CDH10: variants seen among roughly 807,000 people sequenced by gnomAD.
The protein encoded by CDH10 is cadherin 10.
Under a neutral mutation model 73.1 loss-of-function variants are expected in CDH10, and 30 were observed. The ratio of observed to expected loss-of-function variants is 0.41; its 90% CI spans 0.31 to 0.56. The LOEUF is 0.56. Ranked by LOEUF, CDH10 falls within the 20% of genes least tolerant of loss-of-function variation. The probability of loss-of-function intolerance (pLI) is 0.27; values close to 1 mark genes in which losing one functional copy is unlikely to be tolerated. For missense variants in CDH10, 815 were observed against 973.7 expected, an observed-to-expected ratio of 0.84 and a Z score of 2.17; for synonymous variants, 345 against 348.2, an observed-to-expected ratio of 0.99 and a Z score of 0.10.
chr5:24,620,557 T>C (rs529924534), intron 1 of CDH10, among the ~76,000 whole-genome samples: 2 of 152,214 alleles, frequency 1.3e-5, no homozygotes, highest in South Asian at 2.1e-4. Context: ...AAGCTCTGTG[T>C]CTGATTTAAA....
At chr5:24,630,581 T>C (rs1747671080) in intron 1 of CDH10, among the ~76,000 whole-genome samples, 1 of 146,144 alleles carries the variant, frequency 6.8e-6, no homozygotes, top group Non-Finnish European at 1.5e-5. Flanking sequence ...ATCAAGAATA[T>C]CTTAAGGAAA....
chr5:24,535,934 G>T (rs1344799056), intron 3 of CDH10, 112 bp from the exon 4 acceptor site: 3 of 630,332 alleles, frequency 4.8e-6, no homozygotes, highest in Non-Finnish European at 7.6e-6. Flanking sequence ...ACCTCTTAAA[G>T]AAACTTTCAT....
At chr5:24,544,897 T>C (rs1413665981) in intron 2 of CDH10, among the ~76,000 whole-genome samples, 5 of 152,182 alleles carry the variant, frequency 3.3e-5, no homozygotes, top group African/African-American at 1.2e-4. Flanking sequence ...CTAAAGGCAT[T>C]TATTTATTTC....
Position 24,558,816 on chromosome 5 carries a change from T to A in CDH10, c.232-21142A>T, listed in dbSNP as rs139088984. On this transcript the variant is annotated intron_variant, in intron 2 of 11. Coordinates refer to ENST00000264463, the MANE Select transcript of CDH10 (RefSeq NM_006727.5). ...AATATGTTAGAATCAGGACGTTTAA[T>A]CATAAAGTCTTAGTTTTTGCTTTGC... Among the ~76,000 whole-genome samples, 480 of 151,998 alleles carry A rather than the reference T, an allele frequency of 3.2e-3. 4 individuals carry two copies. Among genetic ancestry groups the A allele is most frequent in the African/African-American group, 0.011 (454 of 41,560 alleles).
chr5:24,592,578 C>A (rs1033382410), intron 2 of CDH10, among the ~76,000 whole-genome samples: 2 of 151,726 alleles, frequency 1.3e-5, no homozygotes, highest in African/African-American at 4.8e-5. Flanking sequence ...TTATGTTAAG[C>A]TTCTCATTTC....
At position 24,550,305 on chromosome 5, in the gene CDH10, T is replaced by G. The variant is rs532780233; in HGVS notation, c.232-12631A>C. ...TTCAATACAAAGTTACCATCTTTCA[T>G]GTCTTTCCACTTTCCATTTGACCCC... On this transcript the variant is annotated intron_variant, in intron 2 of 11. Coordinates refer to ENST00000264463, the MANE Select transcript of CDH10 (RefSeq NM_006727.5). Among the ~76,000 whole-genome samples the G allele has an allele frequency of 2.0e-5, 3 of 152,262 alleles. No homozygotes were observed. The East Asian group carries it at 5.8e-4, about 29-fold the overall frequency.
intron 2 of CDH10, among the ~76,000 whole-genome samples, chr5:24,577,086 A>C (rs1745636032): frequency 8.0e-6 from 1 of 125,336 alleles, no homozygotes; most frequent in East Asian, 2.4e-4. Flanking sequence ...TAAAAAAAAA[A>C]AACCAAAAAC....
At chr5:24,520,481 T>TA (rs1657682036) in intron 5 of CDH10, among the ~76,000 whole-genome samples, 1 of 152,190 alleles carries the variant, frequency 6.6e-6, no homozygotes, top group African/African-American at 2.4e-5. Context: ...TACACATAGT[T>TA]ACATACACAT....
At chr5:24,640,855 A>T (rs893796368) in intron 1 of CDH10, among the ~76,000 whole-genome samples, 6 of 152,018 alleles carry the variant, frequency 3.9e-5, no homozygotes, top group Admixed American at 1.3e-4. Context: ...AGATAAAAAT[A>T]TAAAGAAACT....
chr5:24,574,605 C>A, intron 2 of CDH10, among the ~76,000 whole-genome samples: 1 of 151,646 alleles, frequency 6.6e-6, no homozygotes, highest in Admixed American at 6.6e-5. Context: ...GAACAGTGAA[C>A]AAGATATTGA....
chr5:24,632,210 T>C (rs1008649182), intron 1 of CDH10, among the ~76,000 whole-genome samples: 24 of 152,214 alleles, frequency 1.6e-4, no homozygotes, highest in African/African-American at 5.8e-4. Flanking sequence ...CTTCTTTCTA[T>C]ATTTATGATC....
chr5:24,575,355 C>CAAAAAA (rs751333761), intron 2 of CDH10, among the ~76,000 whole-genome samples: 1 of 123,826 alleles, frequency 8.1e-6, no homozygotes, highest in African/African-American at 3.4e-5. Context: ...ACAAAAACAA[C>CAAAAAA]AAAAAAAAAA....
rs112729524 is a variant in CDH10, at chr5:24,619,339, A to G, written c.-124+25255T>C. 3.7e-3 allele frequency among the ~76,000 whole-genome samples: 556 copies of G among 151,970 alleles called. 4 individuals carry two copies. The highest frequency in any genetic ancestry group is 0.012 in the African/African-American group (500 of 41,458). ...CTCCCAAGTAGCTGGGACTACAGGC[A>G]CCCACCACCACGCCCAGCTAATTTT... On this transcript the variant is annotated intron_variant, in intron 1 of 11. Transcript: ENST00000264463.
chr5:24,643,151 A>T (rs943591739), intron 1 of CDH10, among the ~76,000 whole-genome samples: 1 of 152,144 alleles, frequency 6.6e-6, no homozygotes, highest in Admixed American at 6.6e-5. Flanking sequence ...TGCACATTGA[A>T]TACATATGTG....
At chr5:24,617,033 C>A (rs570592240) in intron 1 of CDH10, among the ~76,000 whole-genome samples, 1 of 152,022 alleles carries the variant, frequency 6.6e-6, no homozygotes, top group East Asian at 1.9e-4. Context: ...TCAGTTATTA[C>A]GAAAGGGAAT....
At chr5:24,643,190 GT>G (rs1388475871) in intron 1 of CDH10, among the ~76,000 whole-genome samples, 1 of 152,020 alleles carries the variant, frequency 6.6e-6, no homozygotes, top group Non-Finnish European at 1.5e-5. Flanking sequence ...GGGGAGCGGG[GT>G]GCAGATTATC....
At chr5:24,618,513 T>C (rs1267970154) in intron 1 of CDH10, among the ~76,000 whole-genome samples, 3 of 152,234 alleles carry the variant, frequency 2.0e-5, no homozygotes, top group East Asian at 1.9e-4. Context: ...TTCTGTACTT[T>C]CTATTTTTGT....
At chr5:24,615,541 C>T (rs1338023476) in intron 1 of CDH10, among the ~76,000 whole-genome samples, 6 of 152,124 alleles carry the variant, frequency 3.9e-5, no homozygotes, top group East Asian at 1.9e-4. Flanking sequence ...ATGGAAAAAA[C>T]GGAACAAAAC....
intron 5 of CDH10, 71 bp from the exon 6 acceptor site, chr5:24,511,585 GAGAGAGAT>G: frequency 7.5e-6 from 5 of 665,292 alleles, no homozygotes; most frequent in Non-Finnish European, 9.8e-6. Flanking sequence ...GAGAGAGAGA[GAGAGAGAT>G]TTCTCAATAG....
Sources: allele counts gnomAD v4.1 joint callset (sites outside exome capture counted in the v4.1 genomes callset), GRCh38; gene constraint gnomAD v4.1.1; transcripts MANE v1.5; gene names NCBI Gene and HGNC (gene_info 2026-07-23, HGNC 2026-07-21).